Variants in TYK2 observed in about 807,000 individuals in gnomAD.
TYK2 encodes the protein non-receptor tyrosine-protein kinase TYK2.
Under a neutral mutation model 130.9 loss-of-function variants are expected in TYK2, and 65 were observed. That is an observed-to-expected ratio of 0.50 (90% CI 0.41 to 0.61). The LOEUF is 0.61. TYK2 is among the 20% of genes least tolerant of loss of function. The pLI is 0.00. For missense variants in TYK2, 1,378 were observed against 1,610.7 expected, an observed-to-expected ratio of 0.86 and a Z score of 2.47; for synonymous variants, 647 against 658.9, an observed-to-expected ratio of 0.98 and a Z score of 0.28.
Position 10,364,718 on chromosome 19 carries a change from G to T in TYK2, c.1263C>A (p.Asp421Glu). 5.6e-6 allele frequency: 9 copies of T among 1,613,734 alleles called. No individual in the cohort carries two copies. Among genetic ancestry groups the T allele is most frequent in the Non-Finnish European group, 7.6e-6 (9 of 1,179,986 alleles). ...AGTCGGCCGTCAGGCGGAAATAGCC[G>T]TCCACCAGCGACACGAAGGACAGCG... ...AAALSFVSLV[D>E]GYFRLTADSS... The change falls in exon 9 of 25, where the codon GAC becomes GAA. Residue 421 changes from aspartate to glutamate, a missense_variant. Coordinates refer to ENST00000525621, the MANE Select transcript of TYK2 (RefSeq NM_003331.5). The surrounding 1 kb of genome is among the most constrained non-coding windows in gnomAD (Gnocchi z 4.9).
intron 19 of TYK2, 93 bp from the exon 20 acceptor site, chr19:10,354,327 C>A: frequency 1.3e-6 from 2 of 1,503,724 alleles, no homozygotes; most frequent in Non-Finnish European, 1.8e-6. Flanking sequence ...CCAGGCAGAT[C>A]CTTTCGGAAT....
rs200752112 is a variant in TYK2 at position 10,362,627 on chromosome 19, G to A, written c.1398C>T (p.Pro466=). 68 of 1,551,964 alleles carry A rather than the reference G, an allele frequency of 4.4e-5. 1 individual carries two copies. The highest frequency in any genetic ancestry group is 2.7e-4 in the Admixed American group (14 of 51,026). ...LEPFVQAKLR[P]EDGLYLIHWS... is the part of the protein sequence containing the mutation. ...AGTGAATGAGGTACAGGCCGTCCTC[G>A]GGCCGCAGCTTGGCCTGCACAAATG... is the stretch of plus-strand genomic sequence containing the variant. Residue 466 remains proline (P), a synonymous_variant, in exon 10 of 25, where the codon CCC becomes CCT. Coordinates refer to ENST00000525621, the MANE Select transcript of TYK2 (RefSeq NM_003331.5).
intron 3 of TYK2, among the ~76,000 whole-genome samples, chr19:10,370,438 C>G (rs911743344): frequency 6.6e-6 from 1 of 151,060 alleles, no homozygotes; most frequent in Non-Finnish European, 1.5e-5. Flanking sequence ...CGCTTGAACC[C>G]GGGAGGTGGA....
chr19:10,363,685 C>T (rs1336135368), intron 9 of TYK2, among the ~76,000 whole-genome samples: 1 of 152,176 alleles, frequency 6.6e-6, no homozygotes. Context: ...GACAGGGCAA[C>T]ATAGGGGCCA....
Position 10,378,417 on chromosome 19 carries a change from G to A in TYK2, c.-11C>T. On this transcript the variant is annotated 5_prime_UTR_variant, in exon 3 of 25. Coordinates refer to ENST00000525621, the MANE Select transcript of TYK2 (RefSeq NM_003331.5). ...GTGGCGCAGAGGCATGCTCCCGGCA[G>A]GTGGCTCAGCTGGAAAGGGGACAAT... is the stretch of plus-strand genomic sequence containing the variant. The A allele has an allele frequency of 6.2e-7, 1 of 1,607,170 alleles. No homozygotes were observed. Among genetic ancestry groups the A allele is most frequent in the Non-Finnish European group, 8.5e-7 (1 of 1,179,716 alleles).
chr19:10,367,333 C>T (rs2041708068), intron 5 of TYK2, among the ~76,000 whole-genome samples: 1 of 151,794 alleles, frequency 6.6e-6, no homozygotes, highest in Non-Finnish European at 1.5e-5. Flanking sequence ...TCCCCTTCAA[C>T]CTGAACTCTT....
At chr19:10,356,336 G>A (rs1395805571) in intron 18 of TYK2, among the ~76,000 whole-genome samples, 4 of 152,152 alleles carry the variant, frequency 2.6e-5, no homozygotes, top group African/African-American at 4.8e-5. Context: ...CCAAGATCAC[G>A]TCACTGCGCT....
rs1201859920 is a variant in TYK2, at chr19:10,364,911, G to A, written c.1149C>T (p.Ile383=). The A allele has an allele frequency of 2.5e-6, 4 of 1,614,108 alleles. No individual in the cohort carries two copies. The highest frequency in any genetic ancestry group is 4.5e-5 in the East Asian group (2 of 44,908). Residue 383 remains isoleucine, a synonymous_variant, in exon 8 of 25, where the codon ATC becomes ATT. Transcript: ENST00000525621. The surrounding 1 kb of genome is among the most constrained non-coding windows in gnomAD (Gnocchi z 4.9). ...AGTGCTCTTTCAGCACCACGTGGGT[G>A]ATGTCCCGGAAGTCACAGAAGTAGG... The part of the protein sequence containing the change: ...LWAYFCDFRD[I]THVVLKEHCV...
chr19:10,353,432 G>T lies in TYK2; in HGVS notation c.3027+96C>A. On this transcript the variant is annotated intron_variant, in intron 21 of 24. Coordinates refer to ENST00000525621, the MANE Select transcript of TYK2 (RefSeq NM_003331.5). The surrounding 1 kb of genome is among the most constrained non-coding windows in gnomAD (Gnocchi z 6.9). ...AAGACAGCCTGGGCAAACGAGCAGG[G>T]GCGGAGCGTGAGAGCAGACTGCACC... The T allele has an allele frequency of 1.2e-6, 1 of 867,730 alleles. No individual in the cohort carries two copies. The highest frequency in any genetic ancestry group is 1.7e-6 in the Non-Finnish European group (1 of 589,640). 53.8% of individuals were successfully genotyped at this position (867,730 alleles called of 1,614,324 possible).
intron 17 of TYK2, 151 bp from the exon 18 acceptor site, chr19:10,356,869 T>C: frequency 1.3e-6 from 1 of 774,028 alleles, no homozygotes; most frequent in Non-Finnish European, 2.2e-6. Context: ...CTCCACAAAG[T>C]GGGAGGACGT....
chr19:10,352,065 C>CTT (rs774736348), intron 23 of TYK2, among the ~76,000 whole-genome samples: 3 of 148,760 alleles, frequency 2.0e-5, no homozygotes, highest in African/African-American at 7.4e-5. Context: ...TCTTTTCTTT[C>CTT]TCTCTCTCTC....
At chr19:10,362,221 G>A in intron 11 of TYK2, 40 bp from the exon 12 acceptor site, 1 of 1,613,376 alleles carries the variant, frequency 6.2e-7, no homozygotes, top group Non-Finnish European at 8.5e-7. Flanking sequence ...GGGCCTGGGG[G>A]AGAGATGCCA....
At chr19:10,352,888 A>G (rs767743204) in intron 22 of TYK2, 38 bp downstream of exon 22, 16 of 1,546,622 alleles carry the variant, frequency 1.0e-5, no homozygotes, top group Non-Finnish European at 1.4e-5. Context: ...GTTCCAAGTG[A>G]CCCCAGCACC....
intron 3 of TYK2, among the ~76,000 whole-genome samples, chr19:10,377,181 A>G (rs1250688358): frequency 1.2e-4 from 18 of 152,144 alleles, no homozygotes; most frequent in Admixed American, 1.2e-3. Context: ...CTGGGATTAC[A>G]AGTGTCAGCT....
At chr19:10,351,283 T>G in intron 23 of TYK2, 121 bp from the exon 24 acceptor site, 1 of 732,940 alleles carries the variant, frequency 1.4e-6, no homozygotes, top group South Asian at 1.5e-5. Flanking sequence ...GGTCAGGAGT[T>G]CGAGACCAGC....
rs775719808 is a variant in TYK2 at position 10,359,214 on chromosome 19, C to T, written c.2136G>A (p.Met712Ile). Residue 712 changes from methionine to isoleucine, a missense_variant, in exon 15 of 25, where the codon ATG becomes ATA. By Grantham distance (10) the Met-to-Ile change is conservative. Transcript: ENST00000525621. ...ERGHVPMAWK[M>I]VVAQQLASAL... Reference sequence around the variant, plus strand: ...CGCTGGCCAGCTGCTGGGCCACCACCATCTTCCAAGCCATGGGCACATGGC... The same window carrying T: ...CGCTGGCCAGCTGCTGGGCCACCACTATCTTCCAAGCCATGGGCACATGGC... 6.2e-7 allele frequency: 1 copy of T among 1,608,142 alleles called. No homozygotes were observed. The highest frequency in any genetic ancestry group is 8.5e-7 in the Non-Finnish European group (1 of 1,179,908).
chr19:10,362,306 C>G lies in TYK2; in HGVS notation c.1627G>C (p.Asp543His), dbSNP rs747616008. The G allele has an allele frequency of 6.2e-7, 1 of 1,614,072 alleles. No individual in the cohort carries two copies. Among genetic ancestry groups the G allele is most frequent in the Admixed American group, 1.7e-5 (1 of 59,998 alleles). The stretch of plus-strand genomic sequence containing the variant: ...CAACAGCGACGCAGAGAGAAGCAGT[C>G]ATCCCCGGCCCTCAGCAAGCAGCCC... The part of the protein sequence containing the change: ...LQGCLLRAGD[D>H]CFSLRRCCLP... Residue 543 changes from aspartate (D) to histidine (H), a missense_variant, in exon 11 of 25, where the codon GAC becomes CAC. Asp to His is a moderately conservative substitution (Grantham distance 81). Transcript: ENST00000525621.
chr19:10,377,945 G>A, intron 3 of TYK2, among the ~76,000 whole-genome samples: 1 of 124,856 alleles, frequency 8.0e-6, no homozygotes, highest in East Asian at 2.4e-4. Context: ...TGAAAGGGTG[G>A]GTGGATGGGT....
At chr19:10,372,484 A>ATATATATATATATTTTTT (rs1390400916) in intron 3 of TYK2, among the ~76,000 whole-genome samples, 1 of 37,436 alleles carries the variant, frequency 2.7e-5, no homozygotes, top group Non-Finnish European at 4.5e-5. Flanking sequence ...ATATATATAT[A>ATATATATATATATTTTTT]TTTTTTTTTT....
Sources: allele counts gnomAD v4.1 joint callset (sites outside exome capture counted in the v4.1 genomes callset), GRCh38; gene constraint gnomAD v4.1.1; non-coding constraint Gnocchi (gnomAD v3.1); transcripts MANE v1.5; gene names NCBI Gene and HGNC (gene_info 2026-07-23, HGNC 2026-07-21).